The following JAM3 variants were observed in gnomAD, a reference collection of about 807,000 sequenced individuals.
JAM3 encodes junctional adhesion molecule C.
Under a neutral mutation model 39.4 loss-of-function variants are expected in JAM3, and 31 were observed. That is an observed-to-expected ratio of 0.79 (90% confidence interval 0.59 to 1.06). JAM3 has a LOEUF of 1.06. Ranked by LOEUF, JAM3 falls within the 50% of genes least tolerant of loss-of-function variation. JAM3 has a pLI of 0.00. For missense variants in JAM3, 455 were observed against 391.4 expected (o/e 1.16, Z -1.37); for synonymous variants, 182 against 148.7 (o/e 1.22, Z -1.63).
chr11:134,129,584 A>G (rs1009715425), intron 1 of JAM3, among the ~76,000 whole-genome samples: 1 of 152,242 alleles, frequency 6.6e-6, no homozygotes, highest in African/African-American at 2.4e-5. Context: ...TAGAATAATG[A>G]TAATAAATGG....
rs538441534 is a variant in JAM3, at chr11:134,110,862, G to GT, written c.77-28982dup. On this transcript the variant is annotated intron_variant, in intron 1 of 8. Transcript: ENST00000299106. ...TTTATATGTCAATTATACCTTGATT[G>GT]TTTTTTTAAAAGTCCAAAACCAAAA... Among the ~76,000 whole-genome samples the GT allele has an allele frequency of 1.3e-4, 20 of 151,818 alleles. No individual in the cohort carries two copies. In the East Asian group the frequency reaches 3.9e-3, roughly 29 times the overall value.
chr11:134,123,810 A>G (rs368662522), intron 1 of JAM3: 4 of 753,658 alleles, frequency 5.3e-6, no homozygotes, highest in Admixed American at 1.8e-5. Flanking sequence ...GTGAGCCTTC[A>G]TTTACATTTC....
chr11:134,143,015 T>C (rs1315841759), intron 3 of JAM3, among the ~76,000 whole-genome samples: 1 of 152,238 alleles, frequency 6.6e-6, no homozygotes, highest in African/African-American at 2.4e-5. Flanking sequence ...ATTTGGGTTG[T>C]TTCCACTTTT....
chr11:134,150,766 C>G lies in JAM3; in HGVS notation c.*1585C>G, dbSNP rs1483325726. On this transcript the variant is annotated 3_prime_UTR_variant, in exon 9 of 9. Coordinates refer to ENST00000299106, the MANE Select transcript of JAM3 (RefSeq NM_032801.5). ...AAATGGATCCCACTGTTCCTCTTTGCCACAGAGAAAGCACCCAGACGCCAC... is the reference window on the plus strand; with the variant it reads ...AAATGGATCCCACTGTTCCTCTTTGGCACAGAGAAAGCACCCAGACGCCAC... The G allele has an allele frequency of 3.3e-5, 5 of 152,076 alleles. No homozygotes were observed. Among genetic ancestry groups the G allele is most frequent in the Non-Finnish European group, 5.9e-5 (4 of 68,030 alleles). The allele number at this position is 152,076 out of a possible 1,614,324, so 9.4% of individuals were successfully genotyped here.
chr11:134,083,145 C>G (rs753138397), intron 1 of JAM3, among the ~76,000 whole-genome samples: 8 of 151,200 alleles, frequency 5.3e-5, no homozygotes, highest in Non-Finnish European at 8.8e-5. Flanking sequence ...GAGATGCTTA[C>G]TTCTGTGATT....
chr11:134,142,926 C>T (rs774457068), intron 3 of JAM3, among the ~76,000 whole-genome samples: 9 of 152,144 alleles, frequency 5.9e-5, no homozygotes, highest in Non-Finnish European at 1.3e-4. Context: ...AGCCTGTGTC[C>T]GTACTTCATT....
At chr11:134,075,724 C>T (rs1430234887) in intron 1 of JAM3, among the ~76,000 whole-genome samples, 1 of 152,134 alleles carries the variant, frequency 6.6e-6, no homozygotes, top group East Asian at 1.9e-4. Context: ...ACCATGCCCT[C>T]CCTGAATTTC....
At chr11:134,128,732 G>GCCT (rs35865291) in intron 1 of JAM3, among the ~76,000 whole-genome samples, 59,783 of 151,738 alleles carry the variant, frequency 0.39, 12,779 homozygotes, top group African/African-American at 0.58. Context: ...GTTTCCTGAG[G>GCCT]CCTCAGCCAT....
chr11:134,087,102 G>A (rs901347135), intron 1 of JAM3, among the ~76,000 whole-genome samples: 2 of 151,958 alleles, frequency 1.3e-5, no homozygotes, highest in African/African-American at 4.8e-5. Flanking sequence ...ACCACACCTG[G>A]CCAAGATTTT....
At chr11:134,143,619 G>T (rs1424794221) in intron 3 of JAM3, among the ~76,000 whole-genome samples, 1 of 152,200 alleles carries the variant, frequency 6.6e-6, no homozygotes, top group Non-Finnish European at 1.5e-5. Flanking sequence ...TGTACGATTT[G>T]CAGGTATTTC....
At chr11:134,106,079 T>G (rs900471355) in intron 1 of JAM3, among the ~76,000 whole-genome samples, 1 of 152,068 alleles carries the variant, frequency 6.6e-6, no homozygotes, top group East Asian at 1.9e-4. Flanking sequence ...GGAGGCATCA[T>G]GCTACCTGAC....
Position 134,139,934 on chromosome 11 carries a change from G to T in JAM3, c.142+18G>T, listed in dbSNP as rs1184807111. ...ATTTGAAAGTAAGTACAAACGAAAT[G>T]CCTAGGATAATGGGCACCATCTACT... On this transcript the variant is annotated intron_variant, in intron 2 of 8. Transcript: ENST00000299106. The T allele has an allele frequency of 5.0e-6, 8 of 1,594,520 alleles. No individual in the cohort carries two copies. Among genetic ancestry groups the T allele is most frequent in the Non-Finnish European group, 6.9e-6 (8 of 1,162,468 alleles).
chr11:134,140,029 G>A (rs1254219460), intron 2 of JAM3, 113 bp downstream of exon 2: 9 of 862,994 alleles, frequency 1.0e-5, no homozygotes, highest in Non-Finnish European at 1.7e-5. Context: ...AGATGTTCCG[G>A]GTGGACTGCT....
At chr11:134,110,424 G>C (rs1942286866) in intron 1 of JAM3, among the ~76,000 whole-genome samples, 1 of 152,114 alleles carries the variant, frequency 6.6e-6, no homozygotes, top group South Asian at 2.1e-4. Context: ...ATAAACATCT[G>C]GTGGTATTTC....
intron 1 of JAM3, among the ~76,000 whole-genome samples, chr11:134,110,073 A>G (rs1286569921): frequency 1.3e-5 from 2 of 152,236 alleles, no homozygotes; most frequent in African/African-American, 2.4e-5. Flanking sequence ...CCTAATTTGC[A>G]TCATTTAATT....
chr11:134,099,921 C>A (rs1327633616), intron 1 of JAM3, among the ~76,000 whole-genome samples: 3 of 152,092 alleles, frequency 2.0e-5, no homozygotes, highest in Non-Finnish European at 4.4e-5. Flanking sequence ...CTTTATTTTT[C>A]TAACCTCATC....
intron 1 of JAM3, among the ~76,000 whole-genome samples, chr11:134,132,714 G>T (rs1031086368): frequency 6.6e-6 from 1 of 152,276 alleles, no homozygotes; most frequent in Non-Finnish European, 1.5e-5. Context: ...TATGCCAGGA[G>T]TATGGGGGGA....
intron 1 of JAM3, among the ~76,000 whole-genome samples, chr11:134,106,234 CAAG>C (rs1467736878): frequency 6.6e-6 from 1 of 151,974 alleles, no homozygotes; most frequent in Non-Finnish European, 1.5e-5. Context: ...CTGACAAAAA[CAAG>C]AAATGGGGAA....
rs1942586431 is a variant in JAM3, at chr11:134,123,876, G to A, written c.77-15975G>A. On this transcript the variant is annotated intron_variant, in intron 1 of 8. Coordinates refer to ENST00000299106, the MANE Select transcript of JAM3 (RefSeq NM_032801.5). ...ATCTCTGAAGCGTAATCACATCTTA[G>A]GTCAGTATTTCTCCAAGTAAAGCAG... is the stretch of plus-strand genomic sequence containing the variant. The A allele has an allele frequency of 5.7e-6, 5 of 871,668 alleles. No individual in the cohort carries two copies. In the Admixed American group the frequency reaches 8.5e-5, roughly 15 times the overall value. 54.0% of individuals were successfully genotyped at this position (871,668 alleles called of 1,614,324 possible). A position where few individuals can be genotyped will look rare whatever the true frequency, so the allele number is the denominator to read the frequency against.
Sources: allele counts gnomAD v4.1 joint callset (sites outside exome capture counted in the v4.1 genomes callset), GRCh38; gene constraint gnomAD v4.1.1; transcripts MANE v1.5; gene names NCBI Gene and HGNC (gene_info 2026-07-23, HGNC 2026-07-21).